ICAM5: variants seen among roughly 807,000 people sequenced by gnomAD.
ICAM5 encodes intercellular adhesion molecule 5.
A neutral mutation model predicts 78.8 loss-of-function variants in ICAM5; 38 were observed. The observed-to-expected ratio is 0.48, with a 90% CI of 0.37 to 0.63. The LOEUF (loss-of-function observed/expected upper bound fraction) is 0.63. ICAM5 is among the 30% of genes least tolerant of loss of function. The pLI, the probability that ICAM5 is intolerant of heterozygous loss-of-function variation, is 0.00. For synonymous variants in ICAM5, 544 were observed against 590.9 expected (o/e 0.92, Z 1.15); for missense variants, 1,059 against 1,303.0 (o/e 0.81, Z 2.88).
In ICAM5 at chr19:10,290,865, C is replaced by T. The variant is rs1033184851; in HGVS notation, c.83-207C>T. 3 of 642,892 alleles carry T rather than the reference C, an allele frequency of 4.7e-6. No homozygotes were observed. Among genetic ancestry groups the T allele is most frequent in the Admixed American group, 3.0e-5 (1 of 33,794 alleles). 39.8% of individuals were successfully genotyped at this position (642,892 alleles called of 1,614,324 possible). Reference sequence around the variant, plus strand: ...TTTGGAGACCATGGCTCTCTGCTACCACGTCCCAGAGACACCCTCGAGGTT... The same window carrying T: ...TTTGGAGACCATGGCTCTCTGCTACTACGTCCCAGAGACACCCTCGAGGTT... On this transcript the variant is annotated intron_variant, in intron 1 of 10. Coordinates refer to ENST00000221980, the MANE Select transcript of ICAM5 (RefSeq NM_003259.4). The surrounding 1 kb of genome is among the most constrained non-coding windows in gnomAD (Gnocchi z 5.7).
chr19:10,292,461 G>A, intron 4 of ICAM5, 139 bp downstream of exon 4: 2 of 1,364,460 alleles, frequency 1.5e-6, no homozygotes, highest in African/African-American at 1.4e-5. Flanking sequence ...AGACGTAATC[G>A]CTGGGGAGGA....
intron 10 of ICAM5, 67 bp downstream of exon 10, chr19:10,295,679 G>A: frequency 2.1e-6 from 3 of 1,460,210 alleles, no homozygotes; most frequent in Non-Finnish European, 2.7e-6. Flanking sequence ...GTCTTGGGGC[G>A]GCCGGCCCCG....
chr19:10,292,512 T>C, intron 4 of ICAM5, 100 bp from the exon 5 acceptor site: 4 of 1,466,722 alleles, frequency 2.7e-6, no homozygotes, highest in Middle Eastern at 2.6e-4. Context: ...CGTACCCTAG[T>C]TCGTTCTCAG....
Position 10,290,003 on chromosome 19 carries a change from C to T in ICAM5, c.-41C>T, listed in dbSNP as rs1301691035. On this transcript the variant is annotated 5_prime_UTR_variant, in exon 1 of 11. Transcript: ENST00000221980. The surrounding 1 kb of genome is among the most constrained non-coding windows in gnomAD (Gnocchi z 5.7). ...GCCGTCCTCTAGCCCAGCTCCTCGG[C>T]TCGCGCTCTCCTCGCCTCCTGTGCT... 6.6e-7 allele frequency: 1 copy of T among 1,517,044 alleles called. No individual in the cohort carries two copies. The highest frequency in any genetic ancestry group is 8.8e-7 in the Non-Finnish European group (1 of 1,131,674). The allele number at this position is 1,517,044 out of a possible 1,614,324, so 94.0% of individuals were successfully genotyped here.
Position 10,296,343 on chromosome 19 carries a change from G to A in ICAM5, c.2502G>A (p.Pro834=). Residue 834 remains proline, a synonymous_variant, in exon 11 of 11, where the codon CCG becomes CCA. Coordinates refer to ENST00000221980, the MANE Select transcript of ICAM5 (RefSeq NM_003259.4). ...GCGAGGGTCTCCACCCCGCAGGTCCGTGGCTATGGGTCGCCGTGGGCGGCG... is the reference window on the plus strand; with the variant it reads ...GCGAGGGTCTCCACCCCGCAGGTCCATGGCTATGGGTCGCCGTGGGCGGCG... The part of the protein sequence containing the change: ...ARRITVRVAG[P]WLWVAVGGAA... The A allele has an allele frequency of 8.1e-7, 1 of 1,240,120 alleles. No individual in the cohort carries two copies. Among genetic ancestry groups the A allele is most frequent in the Non-Finnish European group, 1.0e-6 (1 of 984,352 alleles). 76.8% of individuals were successfully genotyped at this position (1,240,120 alleles called of 1,614,324 possible). A position where few individuals can be genotyped will look rare whatever the true frequency, so the allele number is the denominator to read the frequency against.
In ICAM5 at chr19:10,291,622, G is replaced by T; in HGVS notation, c.486G>T (p.Gln162His). Residue 162 changes from glutamine to histidine, a missense_variant, in exon 3 of 11, where the codon CAG becomes CAT. Transcript: ENST00000221980. The stretch of plus-strand genomic sequence containing the variant: ...CGCTGACCCTGCTGCGGGGCGCCCA[G>T]GAGCTGATCCGCCGCAGCTTCGCCG... ...SLTLTLLRGA[Q>H]ELIRRSFAGE... is the part of the protein sequence containing the mutation. 6.2e-7 allele frequency: 1 copy of T among 1,611,646 alleles called. No homozygotes were observed. Among genetic ancestry groups the T allele is most frequent in the Non-Finnish European group, 8.5e-7 (1 of 1,179,404 alleles).
rs2040200547 is a variant in ICAM5 at position 10,294,142 on chromosome 19, G to C, written c.1814G>C (p.Ser605Thr). 1 of 1,610,058 alleles carries C rather than the reference G, an allele frequency of 6.2e-7. No individual in the cohort carries two copies. Among genetic ancestry groups the C allele is most frequent in the Non-Finnish European group, 8.5e-7 (1 of 1,178,838 alleles). The change falls in exon 8 of 11, where the codon AGC becomes ACC. Residue 605 changes from serine (S) to threonine (T), a missense_variant. Ser to Thr is a moderately conservative substitution (Grantham distance 58, BLOSUM62 1). This residue lies in a region of ICAM5 where 815 missense variants were observed against 952.8 expected (regional missense o/e 0.86). Transcript: ENST00000221980. The surrounding 1 kb of genome is among the most constrained non-coding windows in gnomAD (Gnocchi z 7.7). ...SCEVDGKPQP[S>T]VKCVGSGGAT... ...GAGGTCGATGGGAAGCCACAGCCAA[G>C]CGTGAAGTGCGTGGGCTCCGGGGGC...
At chr19:10,292,510 A>G in intron 4 of ICAM5, 102 bp from the exon 5 acceptor site, 1 of 1,457,040 alleles carries the variant, frequency 6.9e-7, no homozygotes, top group South Asian at 1.3e-5. Flanking sequence ...GCCGTACCCT[A>G]GTTCGTTCTC....
In ICAM5 at chr19:10,291,576, C is replaced by G; in HGVS notation, c.440C>G (p.Ala147Gly). 1 of 1,612,476 alleles carries G rather than the reference C, an allele frequency of 6.2e-7. No homozygotes were observed. The highest frequency in any genetic ancestry group is 1.7e-5 in the Admixed American group (1 of 60,022). Reference sequence around the variant, plus strand: ...ACCCTGAGCTGTAGGGTCCCCGGCGCCGGGCCCCGTGCGAGCCTCACGCTG... The same window carrying G: ...ACCCTGAGCTGTAGGGTCCCCGGCGGCGGGCCCCGTGCGAGCCTCACGCTG... Reference protein sequence around the residue: ...NFTLSCRVPGAGPRASLTLTL... With the variant: ...NFTLSCRVPGGGPRASLTLTL... Residue 147 changes from alanine to glycine, a missense_variant, in exon 3 of 11, where the codon GCC becomes GGC. Coordinates refer to ENST00000221980, the MANE Select transcript of ICAM5 (RefSeq NM_003259.4).
rs559111361 is a variant in ICAM5, at chr19:10,294,310, G to A, written c.1982G>A (p.Ser661Asn). ...HGSVAKTVVV[S>N]AESPPEMDES... ...TCCGTGGCCAAAACAGTCGTCGTGA[G>A]CGCGGAGTGTGAGCGAGGCCCAGGC... The change falls in exon 8 of 11, where the codon AGC (serine) becomes AAC (asparagine). Residue 661 changes from serine to asparagine, a missense_variant. Physicochemically the swap from Ser to Asn is conservative, Grantham distance 46. Transcript: ENST00000221980. This position sits in a 1 kb window ranked among gnomAD's most constrained non-coding sequence, Gnocchi z 7.7. 32 of 1,612,854 alleles carry A rather than the reference G, an allele frequency of 2.0e-5. No individual in the cohort carries two copies. In the South Asian group the frequency reaches 3.1e-4, roughly 15 times the overall value.
In ICAM5 at chr19:10,293,875, G is replaced by A. The variant is rs768771634; in HGVS notation, c.1643G>A (p.Gly548Asp). ...GLLRVAREHA[G>D]TYRCEATNPR... Reference sequence around the variant, plus strand: ...TTGCGTGTGGCCCGGGAGCATGCGGGCACTTACCGCTGCGAAGCCACCAAC... The same window carrying A: ...TTGCGTGTGGCCCGGGAGCATGCGGACACTTACCGCTGCGAAGCCACCAAC... The change falls in exon 7 of 11, where the codon GGC becomes GAC. Residue 548 changes from glycine to aspartate, a missense_variant. Physicochemically the swap from Gly to Asp is moderately conservative, Grantham distance 94 (BLOSUM62 -1). Around this residue, in one of 3 missense-constraint regions of ICAM5, gnomAD observed 815 missense variants for 952.8 expected, o/e 0.86. Transcript: ENST00000221980. The surrounding 1 kb of genome is among the most constrained non-coding windows in gnomAD (Gnocchi z 5.0). 1 of 1,611,638 alleles carries A rather than the reference G, an allele frequency of 6.2e-7. No individual in the cohort carries two copies. The highest frequency in any genetic ancestry group is 1.1e-5 in the South Asian group (1 of 91,082).
chr19:10,292,624 C>T lies in ICAM5; in HGVS notation c.974C>T (p.Pro325Leu), dbSNP rs542582225. ...ENVTIYSFPA[P>L]LLTLSEPSVS... ...GCTCCGCCCCCAGGCTTCCCGGCACCACTCCTGACCCTGAGCGAACCCAGC... is the reference window on the plus strand; with the variant it reads ...GCTCCGCCCCCAGGCTTCCCGGCACTACTCCTGACCCTGAGCGAACCCAGC... The change falls in exon 5 of 11, where the codon CCA (proline) becomes CTA (leucine). Residue 325 changes from proline to leucine, a missense_variant. Coordinates refer to ENST00000221980, the MANE Select transcript of ICAM5 (RefSeq NM_003259.4). The T allele has an allele frequency of 6.4e-7, 1 of 1,568,756 alleles. No individual in the cohort carries two copies. Among genetic ancestry groups the T allele is most frequent in the African/African-American group, 1.4e-5 (1 of 73,082 alleles).
Position 10,294,137 on chromosome 19 carries a change from G to C in ICAM5, c.1809G>C (p.Gln603His), listed in dbSNP as rs2040200518. The change falls in exon 8 of 11, where the codon CAG becomes CAC. Residue 603 changes from glutamine to histidine, a missense_variant. Gln to His is a conservative substitution (Grantham distance 24, BLOSUM62 0). This residue lies in a region of ICAM5 where 815 missense variants were observed against 952.8 expected (regional missense o/e 0.86). Coordinates refer to ENST00000221980, the MANE Select transcript of ICAM5 (RefSeq NM_003259.4). This position sits in a 1 kb window ranked among gnomAD's most constrained non-coding sequence, Gnocchi z 7.7. Reference sequence around the variant, plus strand: ...CCTGTGAGGTCGATGGGAAGCCACAGCCAAGCGTGAAGTGCGTGGGCTCCG... The same window carrying C: ...CCTGTGAGGTCGATGGGAAGCCACACCCAAGCGTGAAGTGCGTGGGCTCCG... ...LFSCEVDGKP[Q>H]PSVKCVGSGG... 6.2e-7 allele frequency: 1 copy of C among 1,608,166 alleles called. No individual in the cohort carries two copies. The highest frequency in any genetic ancestry group is 8.5e-7 in the Non-Finnish European group (1 of 1,178,138).
At position 10,290,579 on chromosome 19, in the gene ICAM5, C is replaced by T; in HGVS notation, c.82+454C>T. ...CTGTTCCCGCGGTTCCTTCCATGAG[C>T]CCAGCCTTGCGTCCCGGCTCCGTGT... On this transcript the variant is annotated intron_variant, in intron 1 of 10. Coordinates refer to ENST00000221980, the MANE Select transcript of ICAM5 (RefSeq NM_003259.4). The surrounding 1 kb of genome is among the most constrained non-coding windows in gnomAD (Gnocchi z 5.7). 9.9e-6 allele frequency: 2 copies of T among 201,816 alleles called. No individual in the cohort carries two copies. 12.5% of individuals were successfully genotyped at this position (201,816 alleles called of 1,614,324 possible). A position where few individuals can be genotyped will look rare whatever the true frequency, so the allele number is the denominator to read the frequency against.
At chr19:10,291,980 C>A in intron 3 of ICAM5, 55 bp from the exon 4 acceptor site, 1 of 1,569,676 alleles carries the variant, frequency 6.4e-7, no homozygotes, top group Non-Finnish European at 8.7e-7. Flanking sequence ...ATGTCAAGTG[C>A]TTAGGACATA....
Position 10,291,694 on chromosome 19 carries a change from G to A in ICAM5, c.558G>A (p.Leu186=). 1.2e-6 allele frequency: 2 copies of A among 1,612,540 alleles called. No individual in the cohort carries two copies. The highest frequency in any genetic ancestry group is 1.7e-6 in the Non-Finnish European group (2 of 1,179,922). ...ARGAVLTATV[L]ARREDHGANF... Reference sequence around the variant, plus strand: ...GCGCGGTGCTCACAGCCACGGTACTGGCTCGGAGGGAGGACCATGGAGCCA... The same window carrying A: ...GCGCGGTGCTCACAGCCACGGTACTAGCTCGGAGGGAGGACCATGGAGCCA... The change falls in exon 3 of 11, where the codon CTG becomes CTA. Residue 186 remains leucine, a synonymous_variant. Transcript: ENST00000221980.
rs1013736628 is a variant in ICAM5, at chr19:10,290,806, C to T, written c.83-266C>T. ...ACCCACCTTTCCTCTCCTCTACGCC[C>T]TCCCCCCATGCTTTCCCGCCGCTCC... On this transcript the variant is annotated intron_variant, in intron 1 of 10. Transcript: ENST00000221980. This position sits in a 1 kb window ranked among gnomAD's most constrained non-coding sequence, Gnocchi z 5.7. The T allele has an allele frequency of 7.0e-6, 4 of 570,240 alleles. No individual in the cohort carries two copies. Among genetic ancestry groups the T allele is most frequent in the Non-Finnish European group, 1.2e-5 (4 of 321,380 alleles). The allele number at this position is 570,240 out of a possible 1,614,324, so 35.3% of individuals were successfully genotyped here.
chr19:10,292,993 C>G lies in ICAM5; in HGVS notation c.1217-5C>G. On this transcript the variant is annotated splice_polypyrimidine_tract_variant and splice_region_variant and intron_variant, in intron 5 of 10. Transcript: ENST00000221980. ...AGCCTCTGTAACCCCACGCCCTGCCCGCAGACGCTCCCCGGCTAGACGATT... is the reference window on the plus strand; with the variant it reads ...AGCCTCTGTAACCCCACGCCCTGCCGGCAGACGCTCCCCGGCTAGACGATT... 1.2e-6 allele frequency: 2 copies of G among 1,611,140 alleles called. No individual in the cohort carries two copies. Among genetic ancestry groups the G allele is most frequent in the Non-Finnish European group, 1.7e-6 (2 of 1,179,994 alleles).
Position 10,295,466 on chromosome 19 carries a change from C to T in ICAM5, c.2351C>T (p.Pro784Leu), listed in dbSNP as rs1476391004. ...CCAGCCCAGATCAGCTGGCGCGCGC[C>T]CCCGGGGGCCCTCAACATCGGCCTG... ...WPPAQISWRA[P>L]PGALNIGLSS... Residue 784 changes from proline to leucine, a missense_variant, in exon 10 of 11, where the codon CCC becomes CTC. By Grantham distance (98) the Pro-to-Leu change is moderately conservative. Around this residue, in one of 3 missense-constraint regions of ICAM5, gnomAD observed 135 missense variants for 230.2 expected, o/e 0.59. Coordinates refer to ENST00000221980, the MANE Select transcript of ICAM5 (RefSeq NM_003259.4). The T allele has an allele frequency of 6.3e-7, 1 of 1,589,806 alleles. No homozygotes were observed. The highest frequency in any genetic ancestry group is 8.5e-7 in the Non-Finnish European group (1 of 1,170,406).
Sources: gnomAD v4.1 joint callset for allele counts on GRCh38, gnomAD v4.1.1 for gene constraint, gnomAD v4.1.1 regional missense constraint, Gnocchi (gnomAD v3.1) non-coding constraint, MANE v1.5 for transcripts, NCBI Gene and HGNC (gene_info 2026-07-23, HGNC 2026-07-21) for gene names.